The following UTP4 variants were observed in gnomAD, a reference collection of about 807,000 sequenced individuals.
The protein encoded by UTP4 is UTP4 small subunit processome component, also known as U3 small nucleolar RNA-associated protein 4 homolog.
UTP4 carries 45 observed loss-of-function variants against 82.4 expected under a neutral mutation model. The ratio of observed to expected loss-of-function variants is 0.55; its 90% CI spans 0.43 to 0.70. The LOEUF (loss-of-function observed/expected upper bound fraction) is 0.70. Ranked by LOEUF, UTP4 falls within the 30% of genes least tolerant of loss-of-function variation. The pLI is 0.00. For missense variants in UTP4, 819 were observed against 858.3 expected (o/e 0.95, Z 0.57); for synonymous variants, 348 against 300.3 (o/e 1.16, Z -1.64).
chr16:69,149,792 G>A (rs930921003), intron 6 of UTP4, among the ~76,000 whole-genome samples: 3 of 151,964 alleles, frequency 2.0e-5, no homozygotes, highest in Middle Eastern at 3.4e-3. Flanking sequence ...GCAGTGGTGC[G>A]ATCTTGGCGT....
At chr16:69,168,426 A>ACTCT (rs71148968) in intron 16 of UTP4, among the ~76,000 whole-genome samples, 44,228 of 131,116 alleles carry the variant, frequency 0.34, 7,950 homozygotes, top group African/African-American at 0.46. Context: ...GCAGAGCGAG[A>ACTCT]CTGTCTCAAA....
chr16:69,147,178 AAATAATAATAATAATAATAAT>A (rs59985843), intron 6 of UTP4, among the ~76,000 whole-genome samples: 5 of 132,520 alleles, frequency 3.8e-5, no homozygotes, highest in African/African-American at 8.5e-5. Flanking sequence ...CTCCAGCTCA[AAATAATAATAATAATAATAAT>A]AATAATAATA....
chr16:69,152,470 T>C (rs59893765), intron 8 of UTP4, among the ~76,000 whole-genome samples: 22 of 139,104 alleles, frequency 1.6e-4, no homozygotes, highest in East Asian at 7.9e-4. Context: ...TTTTCTTTTT[T>C]TTTTTTTTTT....
At chr16:69,164,485 T>G (rs1963645925) in intron 14 of UTP4, among the ~76,000 whole-genome samples, 1 of 151,622 alleles carries the variant, frequency 6.6e-6, no homozygotes, top group Non-Finnish European at 1.5e-5. Context: ...TCACACATTG[T>G]GTAAATTATC....
At chr16:69,167,240 T>C in intron 16 of UTP4, 55 bp downstream of exon 16, 1 of 1,128,962 alleles carries the variant, frequency 8.9e-7, no homozygotes, top group South Asian at 1.2e-5. Context: ...GATACCAAAA[T>C]GTAATAAACT....
At chr16:69,156,354 C>T (rs1425701036) in intron 11 of UTP4, among the ~76,000 whole-genome samples, 1 of 151,878 alleles carries the variant, frequency 6.6e-6, no homozygotes, top group African/African-American at 2.4e-5. Context: ...GGAGTTTCAC[C>T]ACCCGTTGGC....
chr16:69,140,362 G>T (rs1962924940), intron 5 of UTP4, among the ~76,000 whole-genome samples: 1 of 152,118 alleles, frequency 6.6e-6, no homozygotes, highest in Admixed American at 6.6e-5. Flanking sequence ...ATCCTTCATT[G>T]ATAGGGTTGA....
At chr16:69,134,500 GGAAGGCAATTCAGA>G (rs932686853) in intron 2 of UTP4, among the ~76,000 whole-genome samples, 17 of 69,648 alleles carry the variant, frequency 2.4e-4, no homozygotes, top group African/African-American at 1.4e-3. Context: ...TTGCCTTCAG[GGAAGGCAATTCAGA>G]GAATTGCCTT....
chr16:69,166,045 A>G (rs1963694560), intron 15 of UTP4: 1 of 186,322 alleles, frequency 5.4e-6, no homozygotes, highest in South Asian at 1.1e-4. Flanking sequence ...CAGCTAGGAA[A>G]ATTCTTCATG....
intron 12 of UTP4, among the ~76,000 whole-genome samples, chr16:69,159,691 A>G (rs1387280454): frequency 6.6e-6 from 1 of 151,580 alleles, no homozygotes; most frequent in Non-Finnish European, 1.5e-5. Context: ...CGTCTAAAAA[A>G]AGAAAAAAGA....
chr16:69,160,261 T>A, intron 12 of UTP4, 95 bp from the exon 13 acceptor site: 1 of 909,196 alleles, frequency 1.1e-6, no homozygotes, highest in Non-Finnish European at 1.9e-6. Flanking sequence ...GATTTAAAAC[T>A]CTAATGGTCT....
intron 2 of UTP4, among the ~76,000 whole-genome samples, chr16:69,136,393 A>T (rs1298286647): frequency 6.6e-6 from 1 of 152,162 alleles, no homozygotes; most frequent in African/African-American, 2.4e-5. Flanking sequence ...ACACCCGGCT[A>T]CTTTTTATAT....
Position 69,133,583 on chromosome 16 carries a change from ATT to A in UTP4, c.126_127del (p.Tyr43Ter). The A allele has an allele frequency of 6.2e-7, 1 of 1,614,158 alleles. No individual in the cohort carries two copies. Among genetic ancestry groups the A allele is most frequent in the Non-Finnish European group, 8.5e-7 (1 of 1,180,010 alleles). On this transcript the variant is annotated frameshift_variant, in exon 2 of 17. Transcript: ENST00000314423. LOFTEE classifies it high-confidence loss of function. ...AVSRTDGTVE[I>X]YNLSANYFQE... ...TTCACGAACAGATGGCACTGTGGAA[ATT>A]TATAACTTGTCAGCAAACTACTTTC...
intron 6 of UTP4, among the ~76,000 whole-genome samples, chr16:69,149,147 G>A (rs1390655759): frequency 2.6e-5 from 4 of 151,906 alleles, no homozygotes; most frequent in African/African-American, 9.7e-5. Flanking sequence ...TTGGGAGGCC[G>A]AGGAGGGTAT....
chr16:69,167,250 TC>T, intron 16 of UTP4, 65 bp downstream of exon 16: 1 of 1,066,152 alleles, frequency 9.4e-7, no homozygotes, highest in Non-Finnish European at 1.4e-6. Context: ...TGTAATAAAC[TC>T]CACAATCGGA....
chr16:69,135,202 C>A (rs537371402), intron 2 of UTP4, among the ~76,000 whole-genome samples: 2 of 152,262 alleles, frequency 1.3e-5, no homozygotes, highest in East Asian at 3.9e-4. Flanking sequence ...TATCAAGCGC[C>A]TCCTACAAAG....
intron 15 of UTP4, 79 bp downstream of exon 15, chr16:69,165,605 G>GGA (rs766650624): frequency 8.5e-5 from 101 of 1,187,644 alleles, no homozygotes; most frequent in Non-Finnish European, 1.2e-4. Flanking sequence ...TAAGGTAAGA[G>GGA]GACAGAGACT....
At chr16:69,156,309 C>A (rs1963413747) in intron 11 of UTP4, among the ~76,000 whole-genome samples, 1 of 151,884 alleles carries the variant, frequency 6.6e-6, no homozygotes, top group Non-Finnish European at 1.5e-5. Context: ...CACCCACCAC[C>A]ACACCTGGCT....
In UTP4 at chr16:69,157,174, G is replaced by A; in HGVS notation, c.1378G>A (p.Ala460Thr). The change falls in exon 12 of 17, where the codon GCT becomes ACT. Residue 460 changes from alanine to threonine, a missense_variant. Transcript: ENST00000314423. ...TKLFVASNQGALHIVQLSGGS... is the reference protein window; with the variant it reads ...TKLFVASNQGTLHIVQLSGGS... ...GCTCTTTGTAGCATCAAATCAAGGA[G>A]CTCTGCATATTGTTCAGCTGTCAGG... 1.2e-6 allele frequency: 2 copies of A among 1,614,204 alleles called. No homozygotes were observed. Among genetic ancestry groups the A allele is most frequent in the Middle Eastern group, 1.6e-4 (1 of 6,062 alleles).
Sources: gnomAD v4.1 joint callset for allele counts (sites outside exome capture counted in the v4.1 genomes callset) on GRCh38, gnomAD v4.1.1 for gene constraint, MANE v1.5 for transcripts, NCBI Gene and HGNC (gene_info 2026-07-23, HGNC 2026-07-21) for gene names.